The following ADCY9 variants were observed in gnomAD, a reference collection of about 807,000 sequenced individuals.
ADCY9 encodes adenylate cyclase type 9.
In ADCY9, 50 loss-of-function variants were observed where a neutral mutation model predicts 101.5. That is an observed-to-expected ratio of 0.49 (90% CI 0.39 to 0.62). The LOEUF (loss-of-function observed/expected upper bound fraction) is 0.62. Among genes scored for constraint, ADCY9 ranks in the 20% least tolerant of loss-of-function variants. ADCY9 has a pLI of 0.00. For missense variants in ADCY9, 1,662 were observed against 1,800.4 expected (o/e 0.92, Z 1.39); for synonymous variants, 905 against 769.3 (o/e 1.18, Z -2.92).
At chr16:4,003,141 G>A (rs148676031) in intron 3 of ADCY9, among the ~76,000 whole-genome samples, 46 of 152,174 alleles carry the variant, frequency 3.0e-4, no homozygotes, top group Non-Finnish European at 5.1e-4. Flanking sequence ...GAGCGCTGAC[G>A]TCACATTCAA....
chr16:4,009,251 AT>A (rs2056387276), intron 2 of ADCY9, among the ~76,000 whole-genome samples: 1 of 150,886 alleles, frequency 6.6e-6, no homozygotes. Context: ...GAAACTCTTC[AT>A]GTTTTGTTTT....
In ADCY9 at chr16:4,050,103, A is replaced by G. The variant is rs568078374; in HGVS notation, c.1694-42545T>C. Among the ~76,000 whole-genome samples the G allele has an allele frequency of 5.9e-3, 895 of 151,626 alleles. 7 individuals are homozygous for G. Among genetic ancestry groups the G allele is most frequent in the Non-Finnish European group, 8.3e-3 (562 of 67,914 alleles). The stretch of plus-strand genomic sequence containing the variant: ...GTGGGGGTGGGGACCCTTGGCTGCC[A>G]TGTTCCTGGGCCAGGAACATGGACT... On this transcript the variant is annotated intron_variant, in intron 2 of 10. Coordinates refer to ENST00000294016, the MANE Select transcript of ADCY9 (RefSeq NM_001116.4).
downstream of ADCY9, among the ~76,000 whole-genome samples, chr16:3,958,177 GTGTT>G (rs2055917953): frequency 6.6e-6 from 1 of 152,142 alleles, no homozygotes. Flanking sequence ...ACCCAAGCCA[GTGTT>G]TGTTCTGCCT....
chr16:4,106,407 G>A (rs547047815), intron 2 of ADCY9, among the ~76,000 whole-genome samples: 12 of 152,176 alleles, frequency 7.9e-5, no homozygotes, highest in South Asian at 2.1e-4. Flanking sequence ...TCTGTTCCGC[G>A]GCAGCACCGG....
chr16:4,034,771 TGAA>T (rs910019157), intron 2 of ADCY9, among the ~76,000 whole-genome samples: 151 of 152,234 alleles, frequency 9.9e-4, no homozygotes, highest in African/African-American at 2.9e-3. Context: ...CCCCATGGAA[TGAA>T]GAAGGAGACT....
At chr16:3,994,941 A>T (rs1052969477) in intron 3 of ADCY9, among the ~76,000 whole-genome samples, 1 of 152,202 alleles carries the variant, frequency 6.6e-6, no homozygotes, top group Non-Finnish European at 1.5e-5. Context: ...AGGCGTACTT[A>T]AAAGTTTATA....
At chr16:4,029,049 C>T (rs796095708) in intron 2 of ADCY9, among the ~76,000 whole-genome samples, 27 of 152,252 alleles carry the variant, frequency 1.8e-4, no homozygotes, top group African/African-American at 6.3e-4. Context: ...TCCCAAAGTG[C>T]TGGGATTACA....
chr16:4,048,846 A>G (rs2056682755), intron 2 of ADCY9, among the ~76,000 whole-genome samples: 2 of 151,764 alleles, frequency 1.3e-5, no homozygotes, highest in African/African-American at 4.8e-5. Context: ...AGAGGATCTC[A>G]CCTAGGCAGG....
chr16:4,099,689 T>C (rs1349075682), intron 2 of ADCY9, among the ~76,000 whole-genome samples: 1 of 152,120 alleles, frequency 6.6e-6, no homozygotes, highest in Non-Finnish European at 1.5e-5. Flanking sequence ...TGGAATGAAA[T>C]ACATCAAATA....
chr16:4,015,513 A>G (rs1309278721), intron 2 of ADCY9: 1 of 152,284 alleles, frequency 6.6e-6, no homozygotes, highest in Non-Finnish European at 1.5e-5. Context: ...TCATTTGCTC[A>G]TTCGCTCGTT....
chr16:3,982,640 T>G (rs1567421553), intron 7 of ADCY9: 1 of 153,102 alleles, frequency 6.5e-6, no homozygotes, highest in South Asian at 2.1e-4. Flanking sequence ...ATGTGTGCTC[T>G]TTATCCATTC....
intron 2 of ADCY9, among the ~76,000 whole-genome samples, chr16:4,045,464 G>A (rs532013808): frequency 6.6e-6 from 1 of 151,610 alleles, no homozygotes; most frequent in African/African-American, 2.4e-5. Flanking sequence ...GTGTGGTGGC[G>A]TGTACCTGTA....
At chr16:3,981,462 T>C (rs878975905) in intron 7 of ADCY9, among the ~76,000 whole-genome samples, 3 of 152,164 alleles carry the variant, frequency 2.0e-5, no homozygotes, top group African/African-American at 7.2e-5. Flanking sequence ...GGGTTTCTTT[T>C]TGGGGTGATG....
In ADCY9 at chr16:4,027,217, G is replaced by A. The variant is rs190729611; in HGVS notation, c.1694-19659C>T. Among the ~76,000 whole-genome samples the A allele has an allele frequency of 4.6e-5, 7 of 152,294 alleles. No individual in the cohort carries two copies. In the East Asian group the frequency reaches 1.2e-3, roughly 25 times the overall value. On this transcript the variant is annotated intron_variant, in intron 2 of 10. Coordinates refer to ENST00000294016, the MANE Select transcript of ADCY9 (RefSeq NM_001116.4). ...CTGCTCGAGCCTGCTCCCACTCCGT[G>A]GAGTGTACTTTCATTTCAGTAAATC...
At chr16:4,085,776 T>G in intron 2 of ADCY9, among the ~76,000 whole-genome samples, 1 of 151,872 alleles carries the variant, frequency 6.6e-6, no homozygotes. Flanking sequence ...TGAGCCAGAC[T>G]CTCTAGGGTG....
At chr16:4,078,562 GA>G (rs796262600) in intron 2 of ADCY9, among the ~76,000 whole-genome samples, 1,003 of 65,724 alleles carry the variant, frequency 0.015, 15 homozygotes, top group African/African-American at 0.04. Context: ...CTCAAAAAAA[GA>G]AAAAAAAAAA....
intron 2 of ADCY9, 139 bp from the exon 3 acceptor site, chr16:4,007,697 A>G: frequency 1.5e-6 from 1 of 656,716 alleles, no homozygotes. Flanking sequence ...ATAGTTTACG[A>G]CGGACGTCCA....
intron 6 of ADCY9, among the ~76,000 whole-genome samples, chr16:3,987,494 G>A (rs548543519): frequency 6.6e-6 from 1 of 152,312 alleles, no homozygotes; most frequent in African/African-American, 2.4e-5. Flanking sequence ...CAGCTCTTTG[G>A]TAAAAGGAGG....
chr16:4,114,684 A>C lies in ADCY9; in HGVS notation c.759T>G (p.Ser253=). 6.2e-7 allele frequency: 1 copy of C among 1,613,214 alleles called. No homozygotes were observed. Among genetic ancestry groups the C allele is most frequent in the Non-Finnish European group, 8.5e-7 (1 of 1,180,042 alleles). ...GGTAGCCAAAGGTCTCGAAAAGGAC[A>C]GAGTAGGCCACCCCCAGACACAAAC... The part of the protein sequence containing the change: ...YLSLCLGVAY[S]VLFETFGYHF... Residue 253 remains serine, a synonymous_variant, in exon 2 of 11, where the codon TCT becomes TCG. Coordinates refer to ENST00000294016, the MANE Select transcript of ADCY9 (RefSeq NM_001116.4). The surrounding 1 kb of genome is among the most constrained non-coding windows in gnomAD (Gnocchi z 4.3).
Sources: gnomAD v4.1 joint callset for allele counts (sites outside exome capture counted in the v4.1 genomes callset) on GRCh38, gnomAD v4.1.1 for gene constraint, Gnocchi (gnomAD v3.1) non-coding constraint, MANE v1.5 for transcripts, NCBI Gene and HGNC (gene_info 2026-07-23, HGNC 2026-07-21) for gene names.